Variants in CCDC146 observed in about 807,000 individuals in gnomAD.
The protein encoded by CCDC146 is coiled-coil domain containing 146, also known as coiled-coil domain-containing protein 146.
In CCDC146, 92 loss-of-function variants were observed where a neutral mutation model predicts 119.3. That is an observed-to-expected ratio of 0.77 (90% CI 0.65 to 0.92). CCDC146 has a LOEUF of 0.92. Among genes scored for constraint, CCDC146 ranks in the 40% least tolerant of loss-of-function variants. CCDC146 has a pLI of 0.00. For synonymous variants in CCDC146, 372 were observed against 371.8 expected, an observed-to-expected ratio of 1.00 and a Z score of -0.01; for missense variants, 1,000 against 1,103.0, an observed-to-expected ratio of 0.91 and a Z score of 1.32.
intron 2 of CCDC146, among the ~76,000 whole-genome samples, chr7:77,175,745 C>T (rs1311800409): frequency 2.0e-5 from 3 of 151,182 alleles, no homozygotes; most frequent in Non-Finnish European, 4.4e-5. Context: ...GTGCCAGGCA[C>T]TGTGCTAGAT....
intron 2 of CCDC146, among the ~76,000 whole-genome samples, chr7:77,222,768 T>C (rs1792429469): frequency 6.6e-6 from 1 of 152,230 alleles, no homozygotes; most frequent in Admixed American, 6.5e-5. Context: ...CCAGGCTCCA[T>C]TTCCAGTTTC....
intron 1 of CCDC146, among the ~76,000 whole-genome samples, chr7:77,149,787 G>T (rs62474259): frequency 2.6e-5 from 2 of 77,928 alleles, no homozygotes; most frequent in African/African-American, 1.7e-4. Context: ...AAAAAAAAGC[G>T]AGAGAGAGAG....
At chr7:77,281,580 G>C (rs945112706) in intron 14 of CCDC146, among the ~76,000 whole-genome samples, 1 of 152,158 alleles carries the variant, frequency 6.6e-6, no homozygotes, top group Non-Finnish European at 1.5e-5. Context: ...GCTAGACCTT[G>C]AGAGTACAAA....
At chr7:77,211,637 A>G (rs1167058725) in intron 2 of CCDC146, among the ~76,000 whole-genome samples, 1 of 151,566 alleles carries the variant, frequency 6.6e-6, no homozygotes, top group Non-Finnish European at 1.5e-5. Context: ...TTATTTTGAG[A>G]CAGAGTCTCA....
intron 1 of CCDC146, among the ~76,000 whole-genome samples, chr7:77,124,311 A>C (rs1485465011): frequency 6.6e-6 from 1 of 152,120 alleles, no homozygotes; most frequent in East Asian, 2.0e-4. Flanking sequence ...GGTATAAAAT[A>C]GTTAAAGTTA....
At chr7:77,291,438 C>T (rs973866155) in intron 17 of CCDC146, among the ~76,000 whole-genome samples, 4 of 151,666 alleles carry the variant, frequency 2.6e-5, no homozygotes, top group Admixed American at 2.0e-4. Flanking sequence ...GTCGCAGTGG[C>T]TCATGCCTGT....
At chr7:77,236,184 TGC>T (rs1792733389) in intron 2 of CCDC146, among the ~76,000 whole-genome samples, 1 of 152,240 alleles carries the variant, frequency 6.6e-6, no homozygotes, top group African/African-American at 2.4e-5. Flanking sequence ...CTAATACAAA[TGC>T]TCATTGCATT....
chr7:77,146,445 T>A (rs1018307629), intron 1 of CCDC146, among the ~76,000 whole-genome samples: 6 of 152,184 alleles, frequency 3.9e-5, no homozygotes, highest in Non-Finnish European at 8.8e-5. Flanking sequence ...AGTTTGATCC[T>A]GTCATTATGA....
intron 3 of CCDC146, among the ~76,000 whole-genome samples, chr7:77,240,978 T>G (rs567924395): frequency 8.6e-5 from 13 of 150,856 alleles, no homozygotes; most frequent in East Asian, 3.9e-4. Context: ...TTTTGTTTTT[T>G]TTTGTTTGTT....
chr7:77,201,404 A>T (rs1584067370), intron 2 of CCDC146, among the ~76,000 whole-genome samples: 1 of 137,692 alleles, frequency 7.3e-6, no homozygotes, highest in African/African-American at 2.8e-5. Context: ...AAAAAAAAAA[A>T]TTAGCCAGGT....
At chr7:77,154,164 T>C (rs1584028834) in intron 1 of CCDC146, among the ~76,000 whole-genome samples, 1 of 152,100 alleles carries the variant, frequency 6.6e-6, no homozygotes, top group Non-Finnish European at 1.5e-5. Flanking sequence ...AGGGGTTGAC[T>C]ATAATGTGCT....
chr7:77,131,884 A>C (rs993399796), intron 1 of CCDC146, among the ~76,000 whole-genome samples: 1 of 152,200 alleles, frequency 6.6e-6, no homozygotes, highest in Non-Finnish European at 1.5e-5. Context: ...CAGGAGTTAC[A>C]TGTGGAGATA....
chr7:77,171,477 TC>T (rs1288313681), intron 2 of CCDC146, among the ~76,000 whole-genome samples: 1 of 152,170 alleles, frequency 6.6e-6, no homozygotes, highest in East Asian at 1.9e-4. Flanking sequence ...AAAGGTGAGC[TC>T]CCATAGCTGC....
chr7:77,210,813 C>G (rs1432211632), intron 2 of CCDC146, among the ~76,000 whole-genome samples: 3 of 152,100 alleles, frequency 2.0e-5, no homozygotes, highest in Non-Finnish European at 4.4e-5. Context: ...CCAGCATGTC[C>G]TATATGGCTG....
chr7:77,147,751 G>C (rs993359865), intron 1 of CCDC146, among the ~76,000 whole-genome samples: 5 of 152,230 alleles, frequency 3.3e-5, no homozygotes, highest in Non-Finnish European at 7.3e-5. Flanking sequence ...AAATGTTTCT[G>C]CCTGATCGTT....
intron 2 of CCDC146, among the ~76,000 whole-genome samples, chr7:77,217,329 T>TACACAC (rs34434670): frequency 4.7e-5 from 7 of 149,474 alleles, no homozygotes; most frequent in African/African-American, 1.7e-4. Context: ...TGACATTTTC[T>TACACAC]ACACACACAC....
chr7:77,160,084 T>G (rs767212338), intron 1 of CCDC146, among the ~76,000 whole-genome samples: 2 of 152,248 alleles, frequency 1.3e-5, no homozygotes, highest in Non-Finnish European at 2.9e-5. Context: ...GTTGTAGATA[T>G]GCGACGCTAT....
At chr7:77,234,536 A>G (rs1792697259) in intron 2 of CCDC146, among the ~76,000 whole-genome samples, 1 of 152,190 alleles carries the variant, frequency 6.6e-6, no homozygotes. Flanking sequence ...GGAGTTCAAG[A>G]CCAGCCTGGG....
chr7:77,144,837 T>A (rs989658370), intron 1 of CCDC146, among the ~76,000 whole-genome samples: 5 of 151,820 alleles, frequency 3.3e-5, no homozygotes, highest in African/African-American at 9.7e-5. Context: ...TATTGAGGAT[T>A]TTTTCATCGA....
Sources: gnomAD v4.1 joint callset for allele counts (sites outside exome capture counted in the v4.1 genomes callset) on GRCh38, gnomAD v4.1.1 for gene constraint, MANE v1.5 for transcripts, NCBI Gene and HGNC (gene_info 2026-07-23, HGNC 2026-07-21) for gene names.